CMPK2: variants seen among roughly 807,000 people sequenced by gnomAD.
The protein encoded by CMPK2 is cytidine/uridine monophosphate kinase 2.
A neutral mutation model predicts 33.4 loss-of-function variants in CMPK2; 32 were observed. The ratio of observed to expected loss-of-function variants is 0.96; its 90% CI spans 0.72 to 1.29. The LOEUF is 1.29. CMPK2 is among the 50% of genes most tolerant of loss of function. The pLI, the probability that CMPK2 is intolerant of heterozygous loss-of-function variation, is 0.00. For missense variants in CMPK2, 672 were observed against 616.0 expected (o/e 1.09, Z -0.96); for synonymous variants, 299 against 275.3 (o/e 1.09, Z -0.85).
chr2:6,863,350 A>C (rs1356211850), intron 2 of CMPK2, 114 bp downstream of exon 2: 1 of 814,706 alleles, frequency 1.2e-6, no homozygotes, highest in East Asian at 2.5e-5. Flanking sequence ...CCTGCCACAC[A>C]GTAGGGGCAC....
In CMPK2 at chr2:6,865,287, AG is replaced by A. The variant is rs1663032388; in HGVS notation, c.409del (p.Leu137TrpfsTer132). ...CGCTTGCCGGGTGTCAGGGTCATCC[AG>A]GGGGTCGCGCAGCAGGAAGCCTTGC... is the stretch of plus-strand genomic sequence containing the variant. ...AQQGFLLRDP[L>X]DDPDTRQALL... is the part of the protein sequence containing the mutation. On this transcript the variant is annotated frameshift_variant, in exon 1 of 5. Coordinates refer to ENST00000256722, the MANE Select transcript of CMPK2 (RefSeq NM_207315.4). LOFTEE classifies it high-confidence loss of function. 1.3e-6 allele frequency: 2 copies of A among 1,530,946 alleles called. No homozygotes were observed. The highest frequency in any genetic ancestry group is 2.6e-5 in the East Asian group (1 of 38,582). 94.8% of individuals were successfully genotyped at this position (1,530,946 alleles called of 1,614,324 possible). A position where few individuals can be genotyped will look rare whatever the true frequency, so the allele number is the denominator to read the frequency against.
At chr2:6,845,591 C>T (rs1223960668), downstream of CMPK2, among the ~76,000 whole-genome samples, 1 of 152,166 alleles carries the variant, frequency 6.6e-6, no homozygotes, top group Non-Finnish European at 1.5e-5. Context: ...CTGCATAAGG[C>T]TCTAGCTTTC....
At chr2:6,850,534 A>G (rs1276231840) in intron 4 of CMPK2, 1 of 157,248 alleles carries the variant, frequency 6.4e-6, no homozygotes, top group Admixed American at 6.5e-5. Flanking sequence ...GTCGAGGTGG[A>G]TCGTCTGCAT....
chr2:6,865,929 CG>C (rs2103231684), upstream of CMPK2: 1 of 1,374,374 alleles, frequency 7.3e-7, no homozygotes. Context: ...GGCCGGCGCT[CG>C]GGAGCAGACG....
chr2:6,865,211 G>A lies in CMPK2; in HGVS notation c.486C>T (p.Gly162=), dbSNP rs1472463848. 2 of 1,534,764 alleles carry A rather than the reference G, an allele frequency of 1.3e-6. No homozygotes were observed. Among genetic ancestry groups the A allele is most frequent in the South Asian group, 1.2e-5 (1 of 83,708 alleles). ...GGCCGCGCGGGTCGGCCTCGAACTCGCCCAAGTGCGGGCGTGGTGCCTCCT... is the reference window on the plus strand; with the variant it reads ...GGCCGCGCGGGTCGGCCTCGAACTCACCCAAGTGCGGGCGTGGTGCCTCCT... ...ACQEAPRPHL[G]EFEADPRGQL... The change falls in exon 1 of 5, where the codon GGC becomes GGT. Residue 162 remains glycine (G), a synonymous_variant. Coordinates refer to ENST00000256722, the MANE Select transcript of CMPK2 (RefSeq NM_207315.4).
In CMPK2 at chr2:6,865,047, TC is replaced by T; in HGVS notation, c.649del (p.Glu217LysfsTer52). 1.4e-6 allele frequency: 2 copies of T among 1,433,418 alleles called. No homozygotes were observed. The highest frequency in any genetic ancestry group is 9.2e-7 in the Non-Finnish European group (1 of 1,092,372). 88.8% of individuals were successfully genotyped at this position (1,433,418 alleles called of 1,614,324 possible). ...LPSSVVFPDR[E>X]AARAVLEECT... ...CTCCTCCAAAACGGCCCGGGCGGCT[TC>T]CCGGTCCGGGAAGACCACGGAACTG... On this transcript the variant is annotated frameshift_variant, in exon 1 of 5. Transcript: ENST00000256722. LOFTEE classifies it high-confidence loss of function.
At chr2:6,866,204 C>G (rs934509728), upstream of CMPK2, among the ~76,000 whole-genome samples, 1 of 152,254 alleles carries the variant, frequency 6.6e-6, no homozygotes, top group African/African-American at 2.4e-5. Context: ...CGCCCACTTG[C>G]AGGCGCACTA....
chr2:6,866,398 G>T, upstream of CMPK2: 2 of 976,910 alleles, frequency 2.0e-6, no homozygotes, highest in Non-Finnish European at 2.4e-6. Flanking sequence ...ACTCACCTGT[G>T]CACACACTCA....
chr2:6,858,767 C>T (rs371662830), intron 3 of CMPK2, among the ~76,000 whole-genome samples: 43 of 152,294 alleles, frequency 2.8e-4, no homozygotes, highest in African/African-American at 9.4e-4. Context: ...GTCTCGTGTA[C>T]GTCTTTATCA....
At chr2:6,843,409 T>C (rs1662279114), downstream of CMPK2, among the ~76,000 whole-genome samples, 1 of 152,192 alleles carries the variant, frequency 6.6e-6, no homozygotes, top group South Asian at 2.1e-4. Flanking sequence ...CAAGGGTTGT[T>C]GCAAGGTCCA....
At position 6,861,343 on chromosome 2, in the gene CMPK2, G is replaced by A. The variant is rs1662876020; in HGVS notation, c.833C>T (p.Ala278Val). Residue 278 changes from alanine to valine, a missense_variant, in exon 3 of 5, where the codon GCT becomes GTT. Physicochemically the swap from Ala to Val is moderately conservative, Grantham distance 64. Coordinates refer to ENST00000256722, the MANE Select transcript of CMPK2 (RefSeq NM_207315.4). Reference protein sequence around the residue: ...VTQSVADSLKAVLLKSPPSCI... With the variant: ...VTQSVADSLKVVLLKSPPSCI... ...AGAGGGTGGTGACTTTAAGAGGACA[G>A]CCTTAAGTGAATCTGCCACTGACTG... 3 of 1,614,166 alleles carry A rather than the reference G, an allele frequency of 1.9e-6. No homozygotes were observed. Among genetic ancestry groups the A allele is most frequent in the African/African-American group, 2.7e-5 (2 of 75,036 alleles).
chr2:6,844,060 C>A (rs141595016), downstream of CMPK2, among the ~76,000 whole-genome samples: 1 of 152,202 alleles, frequency 6.6e-6, no homozygotes, highest in African/African-American at 2.4e-5. Flanking sequence ...GTTGTCTCCA[C>A]CACAGGGTGG....
intron 3 of CMPK2, among the ~76,000 whole-genome samples, chr2:6,841,085 T>G (rs957022275): frequency 1.3e-4 from 20 of 152,258 alleles, no homozygotes; most frequent in African/African-American, 4.3e-4. Flanking sequence ...AAGATGGTAT[T>G]GTATGCTCAG....
chr2:6,851,677 C>A lies in CMPK2; in HGVS notation c.999G>T (p.Trp333Cys), dbSNP rs1411505993. 4.3e-6 allele frequency: 7 copies of A among 1,613,798 alleles called. No individual in the cohort carries two copies. Among genetic ancestry groups the A allele is most frequent in the African/African-American group, 1.3e-5 (1 of 74,862 alleles). Reference sequence around the variant, plus strand: ...CTATGGCATAGGTGGCCGTGCTGTGCCAGTACCTGAGAAGGAATGGGGTAG... The same window carrying A: ...CTATGGCATAGGTGGCCGTGCTGTGACAGTACCTGAGAAGGAATGGGGTAG... ...AKSPVIVDRY[W>C]HSTATYAIAT... Residue 333 changes from tryptophan to cysteine, a missense_variant, in exon 4 of 5, where the codon TGG (tryptophan) becomes TGT (cysteine). Coordinates refer to ENST00000256722, the MANE Select transcript of CMPK2 (RefSeq NM_207315.4).
chr2:6,843,299 C>A (rs141003738), intron 3 of CMPK2, among the ~76,000 whole-genome samples: 1 of 152,266 alleles, frequency 6.6e-6, no homozygotes, highest in African/African-American at 2.4e-5. Flanking sequence ...GATTACAAAC[C>A]ACTGGATGGA....
Position 6,865,265 on chromosome 2 carries a change from T to C in CMPK2, c.432A>G (p.Gln144=), listed in dbSNP as rs1479855016. The change falls in exon 1 of 5, where the codon CAA becomes CAG. Residue 144 remains glutamine (Q), a synonymous_variant. Transcript: ENST00000256722. Reference sequence around the variant, plus strand: ...AGGCGCCCAGCAGCTCGAGCAGCGCTTGCCGGGTGTCAGGGTCATCCAGGG... The same window carrying C: ...AGGCGCCCAGCAGCTCGAGCAGCGCCTGCCGGGTGTCAGGGTCATCCAGGG... The part of the protein sequence containing the change: ...RDPLDDPDTR[Q]ALLELLGACQ... 1 of 1,537,752 alleles carries C rather than the reference T, an allele frequency of 6.5e-7. No homozygotes were observed. The highest frequency in any genetic ancestry group is 1.2e-5 in the South Asian group (1 of 84,604).
chr2:6,850,826 G>T, intron 4 of CMPK2: 3 of 987,824 alleles, frequency 3.0e-6, no homozygotes, highest in Non-Finnish European at 3.6e-6. Context: ...CAGTGGTGTA[G>T]AACTGATTCA....
downstream of CMPK2, among the ~76,000 whole-genome samples, chr2:6,843,531 T>C (rs1662281114): frequency 6.6e-6 from 1 of 152,132 alleles, no homozygotes; most frequent in Non-Finnish European, 1.5e-5. Context: ...TTAAGGTGAA[T>C]CTGGACCAGG....
chr2:6,848,811 G>A lies in CMPK2; in HGVS notation c.*1039C>T. ...ACTCAGCTACTTTTTTCTGTCTAAA[G>A]ATATGTCAAAGCGATTTCATATGTA... On this transcript the variant is annotated 3_prime_UTR_variant, in exon 5 of 5. Coordinates refer to ENST00000256722, the MANE Select transcript of CMPK2 (RefSeq NM_207315.4). 1 of 985,806 alleles carries A rather than the reference G, an allele frequency of 1.0e-6. No homozygotes were observed. Among genetic ancestry groups the A allele is most frequent in the Non-Finnish European group, 1.2e-6 (1 of 829,894 alleles). The allele number at this position is 985,806 out of a possible 1,614,324, so 61.1% of individuals were successfully genotyped here.
Sources: gnomAD v4.1 joint callset for allele counts (sites outside exome capture counted in the v4.1 genomes callset) on GRCh38, gnomAD v4.1.1 for gene constraint, MANE v1.5 for transcripts, NCBI Gene and HGNC (gene_info 2026-07-23, HGNC 2026-07-21) for gene names.